The following CNTNAP2 variants were observed in gnomAD, a reference collection of about 807,000 sequenced individuals.
CNTNAP2 encodes the protein contactin-associated protein-like 2.
A neutral mutation model predicts 155.2 loss-of-function variants in CNTNAP2; 98 were observed. The ratio of observed to expected loss-of-function variants is 0.63; its 90% CI spans 0.54 to 0.75. The LOEUF (loss-of-function observed/expected upper bound fraction) is 0.75, where lower values mean the gene tolerates loss of function less well. Ranked by LOEUF, CNTNAP2 falls within the 30% of genes least tolerant of loss-of-function variation. CNTNAP2 has a pLI of 0.00. For synonymous variants in CNTNAP2, 651 were observed against 631.2 expected, an observed-to-expected ratio of 1.03 and a Z score of -0.47; for missense variants, 1,727 against 1,688.1, an observed-to-expected ratio of 1.02 and a Z score of -0.40.
intron 13 of CNTNAP2, among the ~76,000 whole-genome samples, chr7:147,780,174 G>A (rs1465405712): frequency 6.6e-6 from 1 of 152,138 alleles, no homozygotes; most frequent in Non-Finnish European, 1.5e-5. Context: ...AGGCACAGAG[G>A]CAACACAGAC....
chr7:146,424,205 T>C (rs961008203), intron 1 of CNTNAP2, among the ~76,000 whole-genome samples: 3 of 152,220 alleles, frequency 2.0e-5, no homozygotes, highest in African/African-American at 7.2e-5. Flanking sequence ...AAAGTTGAAT[T>C]GAACTATGCT....
At chr7:147,892,093 C>A (rs1799706027) in intron 13 of CNTNAP2, among the ~76,000 whole-genome samples, 1 of 150,244 alleles carries the variant, frequency 6.7e-6, no homozygotes, top group Admixed American at 6.6e-5. Flanking sequence ...TTGATTCATG[C>A]AAAAAAAAAT....
intron 1 of CNTNAP2, among the ~76,000 whole-genome samples, chr7:146,448,650 T>G (rs377541585): frequency 6.6e-6 from 1 of 152,226 alleles, no homozygotes; most frequent in East Asian, 1.9e-4. Flanking sequence ...TTCCATGCAT[T>G]TTAAACTACT....
Position 147,544,048 on chromosome 7 carries a change from TTAAATA to T in CNTNAP2, c.1778-18086_1778-18081del, listed in dbSNP as rs1799685742. ...TATTTATTCTAGAGGGATTAAATCT[TTAAATA>T]TAAGTGTTTCCAAACTGGAAGAAAA... is the stretch of plus-strand genomic sequence containing the variant. On this transcript the variant is annotated intron_variant, in intron 11 of 23. Transcript: ENST00000361727. 2.0e-5 allele frequency among the ~76,000 whole-genome samples: 3 copies of T among 152,148 alleles called. No homozygotes were observed. The South Asian group carries it at 6.2e-4, about 31-fold the overall frequency.
At chr7:146,509,495 G>A (rs970450692) in intron 1 of CNTNAP2, among the ~76,000 whole-genome samples, 1 of 152,168 alleles carries the variant, frequency 6.6e-6, no homozygotes, top group Non-Finnish European at 1.5e-5. Flanking sequence ...GGTATAGGCA[G>A]TGTATGACTT....
intron 17 of CNTNAP2, among the ~76,000 whole-genome samples, chr7:148,156,636 A>T (rs187486773): frequency 6.6e-6 from 1 of 152,234 alleles, no homozygotes; most frequent in Admixed American, 6.5e-5. Flanking sequence ...CTCTTCTCTC[A>T]GGAACTCTAG....
chr7:148,001,742 G>A (rs1406079661), intron 15 of CNTNAP2, among the ~76,000 whole-genome samples: 1 of 152,146 alleles, frequency 6.6e-6, no homozygotes, highest in Non-Finnish European at 1.5e-5. Flanking sequence ...AGGTACTGGT[G>A]AGAAAAATGT....
chr7:147,591,279 G>A (rs1420002646), intron 12 of CNTNAP2, among the ~76,000 whole-genome samples: 1 of 152,168 alleles, frequency 6.6e-6, no homozygotes, highest in East Asian at 1.9e-4. Flanking sequence ...TAGGATCAAG[G>A]TGTCTGTAGG....
At chr7:147,575,243 G>T (rs186832080) in intron 12 of CNTNAP2, among the ~76,000 whole-genome samples, 891 of 85,014 alleles carry the variant, frequency 0.01, 33 homozygotes, top group African/African-American at 0.041. Flanking sequence ...GTGTGTTTGT[G>T]TGTGTGTGTG....
At position 147,069,979 on chromosome 7, in the gene CNTNAP2, G is replaced by A. The variant is rs544042828; in HGVS notation, c.550+25925G>A. ...ACACAGCATAGAGGAATAATCTATC[G>A]GTCACAGCTGGATTTCTACAGGAAA... is the stretch of plus-strand genomic sequence containing the variant. On this transcript the variant is annotated intron_variant, in intron 4 of 23. Coordinates refer to ENST00000361727, the MANE Select transcript of CNTNAP2 (RefSeq NM_014141.6). Among the ~76,000 whole-genome samples the A allele has an allele frequency of 6.2e-4, 95 of 152,222 alleles. 1 individual carries two copies. The highest frequency in any genetic ancestry group is 2.1e-3 in the African/African-American group (88 of 41,544).
rs576265685 is a variant in CNTNAP2 at position 148,042,842 on chromosome 7, C to G, written c.2383+64853C>G. On this transcript the variant is annotated intron_variant, in intron 15 of 23. Coordinates refer to ENST00000361727, the MANE Select transcript of CNTNAP2 (RefSeq NM_014141.6). ...GTATGTTGAAAAATGCTTAAAACCC[C>G]ACCTAAACATTCCAGGAAGCAGGAA... Among the ~76,000 whole-genome samples the G allele has an allele frequency of 1.2e-4, 19 of 152,266 alleles. 1 individual carries two copies. Among genetic ancestry groups the G allele is most frequent in the African/African-American group, 4.6e-4 (19 of 41,536 alleles).
At chr7:146,428,681 T>G (rs7801059) in intron 1 of CNTNAP2, among the ~76,000 whole-genome samples, 2,899 of 152,158 alleles carry the variant, frequency 0.019, 91 homozygotes, top group African/African-American at 0.066. Flanking sequence ...TGCAAAAATC[T>G]TCTCCCATTT....
chr7:146,588,441 ATATT>A lies in CNTNAP2; in HGVS notation c.98-185825_98-185822del, dbSNP rs556798996. On this transcript the variant is annotated intron_variant, in intron 1 of 23. Coordinates refer to ENST00000361727, the MANE Select transcript of CNTNAP2 (RefSeq NM_014141.6). The stretch of plus-strand genomic sequence containing the variant: ...AAATATTTTTCTGTCATTTCAAAAT[ATATT>A]TATTAAATTAAAATACAGTCTTTAA... Among the ~76,000 whole-genome samples the A allele has an allele frequency of 6.9e-3, 1,057 of 152,334 alleles. 7 individuals carry two copies. Among genetic ancestry groups the A allele is most frequent in the Non-Finnish European group, 0.013 (872 of 68,022 alleles).
At chr7:146,603,944 A>G (rs1382495461) in intron 1 of CNTNAP2, among the ~76,000 whole-genome samples, 1 of 134,148 alleles carries the variant, frequency 7.5e-6, no homozygotes, top group African/African-American at 2.9e-5. Flanking sequence ...AAAGATTTAA[A>G]CGTTAGACCT....
intron 1 of CNTNAP2, among the ~76,000 whole-genome samples, chr7:146,398,599 A>G (rs940666682): frequency 1.6e-4 from 24 of 152,192 alleles, no homozygotes; most frequent in Non-Finnish European, 7.3e-5. Flanking sequence ...TAAATCATGA[A>G]GCTAAACACT....
chr7:147,105,217 A>T (rs1800740909), intron 4 of CNTNAP2, among the ~76,000 whole-genome samples: 1 of 151,908 alleles, frequency 6.6e-6, no homozygotes, highest in African/African-American at 2.4e-5. Flanking sequence ...GAAAGTGAAG[A>T]CTAAGGAACA....
intron 21 of CNTNAP2, among the ~76,000 whole-genome samples, chr7:148,346,596 A>G (rs917527653): frequency 6.6e-6 from 1 of 151,522 alleles, no homozygotes; most frequent in African/African-American, 2.4e-5. Context: ...ACATGGTGAA[A>G]CCCCATCTCT....
intron 1 of CNTNAP2, among the ~76,000 whole-genome samples, chr7:146,517,625 A>T: frequency 6.6e-6 from 1 of 151,890 alleles, no homozygotes; most frequent in East Asian, 1.9e-4. Context: ...CCATCGGGAG[A>T]TATAGGCAGT....
At position 147,218,663 on chromosome 7, in the gene CNTNAP2, G is replaced by A. The variant is rs367960962; in HGVS notation, c.1349-81478G>A. On this transcript the variant is annotated intron_variant, in intron 8 of 23. Coordinates refer to ENST00000361727, the MANE Select transcript of CNTNAP2 (RefSeq NM_014141.6). ...TGCCTAGAATATGATGTGTCTTATT[G>A]AATATTTCCTGTGAGCTTGAGAAGA... Among the ~76,000 whole-genome samples the A allele has an allele frequency of 1.1e-3, 171 of 151,594 alleles. 1 individual carries two copies. The highest frequency in any genetic ancestry group is 3.9e-3 in the African/African-American group (162 of 41,318).
Sources: allele counts gnomAD v4.1 joint callset (sites outside exome capture counted in the v4.1 genomes callset), GRCh38; gene constraint gnomAD v4.1.1; transcripts MANE v1.5; gene names NCBI Gene and HGNC (gene_info 2026-07-23, HGNC 2026-07-21).